Variants in TRAPPC9 observed in about 807,000 individuals in gnomAD.
TRAPPC9 encodes the protein IKK2 binding protein.
A neutral mutation model predicts 124.0 loss-of-function variants in TRAPPC9; 83 were observed. That is an observed-to-expected ratio of 0.67 (90% CI 0.56 to 0.80). The LOEUF (loss-of-function observed/expected upper bound fraction) is 0.80. Ranked by LOEUF, TRAPPC9 falls within the 30% of genes least tolerant of loss-of-function variation. The probability of loss-of-function intolerance (pLI) is 0.00; values close to 1 mark genes in which losing one functional copy is unlikely to be tolerated. For synonymous variants in TRAPPC9, 638 were observed against 617.5 expected (o/e 1.03, Z -0.49); for missense variants, 1,302 against 1,508.3 (o/e 0.86, Z 2.27).
intron 21 of TRAPPC9, among the ~76,000 whole-genome samples, chr8:139,771,436 T>G (rs979703334): frequency 6.6e-5 from 10 of 152,154 alleles, no homozygotes; most frequent in African/African-American, 2.2e-4. Flanking sequence ...GGGGTCCATG[T>G]GAACCCAGAG....
intron 17 of TRAPPC9, among the ~76,000 whole-genome samples, chr8:140,033,939 C>G (rs1461415845): frequency 6.6e-6 from 1 of 152,126 alleles, no homozygotes; most frequent in Non-Finnish European, 1.5e-5. Context: ...GCCTCGGCTT[C>G]CCAAAGTGCT....
intron 21 of TRAPPC9, among the ~76,000 whole-genome samples, chr8:139,796,874 G>A (rs1405062442): frequency 1.3e-5 from 2 of 152,208 alleles, no homozygotes; most frequent in Non-Finnish European, 1.5e-5. Flanking sequence ...GCAGTGGGAG[G>A]GTTCCAGTTT....
rs530601759 is a variant in TRAPPC9, at chr8:139,737,129, T to C, written c.3056-4927A>G. 8.5e-5 allele frequency among the ~76,000 whole-genome samples: 13 copies of C among 152,310 alleles called. No individual in the cohort carries two copies. In the East Asian group the frequency reaches 2.5e-3, roughly 29 times the overall value. ...TGCTGCTGGGAGCTCACCCCGTCTG[T>C]GGCCCGCGCAGGGGCTGGCTCTACT... On this transcript the variant is annotated intron_variant, in intron 21 of 22. Coordinates refer to ENST00000438773, the MANE Select transcript of TRAPPC9 (RefSeq NM_001160372.4).
At chr8:140,409,025 A>G (rs1410917357) in intron 5 of TRAPPC9, among the ~76,000 whole-genome samples, 3 of 152,194 alleles carry the variant, frequency 2.0e-5, no homozygotes, top group African/African-American at 7.2e-5. Context: ...ATTACTATAA[A>G]CACAGCAAAA....
At chr8:139,812,976 G>A (rs565559792) in intron 21 of TRAPPC9, among the ~76,000 whole-genome samples, 5 of 152,344 alleles carry the variant, frequency 3.3e-5, no homozygotes, top group African/African-American at 9.6e-5. Flanking sequence ...CAAGCTCCAC[G>A]CCTGGCCCTG....
chr8:140,308,657 CG>C (rs2066205445), intron 10 of TRAPPC9, among the ~76,000 whole-genome samples: 1 of 151,934 alleles, frequency 6.6e-6, no homozygotes, highest in Non-Finnish European at 1.5e-5. Context: ...CTGAGGCGGG[CG>C]GATCACGAGG....
intron 21 of TRAPPC9, among the ~76,000 whole-genome samples, chr8:139,769,683 T>G (rs1482572863): frequency 6.6e-6 from 1 of 152,032 alleles, no homozygotes; most frequent in Admixed American, 6.6e-5. Flanking sequence ...AAAAATAAGA[T>G]TGAATAGTAA....
At chr8:139,832,553 G>A (rs1289521017) in intron 21 of TRAPPC9, among the ~76,000 whole-genome samples, 1 of 152,182 alleles carries the variant, frequency 6.6e-6, no homozygotes, top group African/African-American at 2.4e-5. Flanking sequence ...AGCCTCCCCA[G>A]GACTCAGCTT....
At chr8:140,256,231 C>T (rs1487021225) in intron 15 of TRAPPC9, among the ~76,000 whole-genome samples, 1 of 152,218 alleles carries the variant, frequency 6.6e-6, no homozygotes, top group Non-Finnish European at 1.5e-5. Context: ...TGGATACTCA[C>T]ATATATGATT....
In TRAPPC9 at chr8:140,449,298, C is replaced by G. The variant is rs567696895; in HGVS notation, c.584+1492G>C. 2.6e-5 allele frequency among the ~76,000 whole-genome samples: 4 copies of G among 152,314 alleles called. No homozygotes were observed. The South Asian group carries it at 8.3e-4, about 32-fold the overall frequency. ...CCTCACCTGTGGCTCATCAGCCAAT[C>G]CTATACAGGAGGAGGGAGAGCCCTG... On this transcript the variant is annotated intron_variant, in intron 2 of 22. Coordinates refer to ENST00000438773, the MANE Select transcript of TRAPPC9 (RefSeq NM_001160372.4).
At chr8:140,291,201 T>C (rs926197060) in intron 11 of TRAPPC9, 123 bp from the exon 12 acceptor site, 13 of 876,168 alleles carry the variant, frequency 1.5e-5, no homozygotes, top group Admixed American at 1.3e-4. Context: ...TCTATGATCT[T>C]CTTGAGATGG....
At chr8:139,802,128 G>A (rs886408278) in intron 21 of TRAPPC9, among the ~76,000 whole-genome samples, 1 of 152,192 alleles carries the variant, frequency 6.6e-6, no homozygotes, top group Non-Finnish European at 1.5e-5. Flanking sequence ...ACGCAACCCA[G>A]TACAGAACGG....
intron 15 of TRAPPC9, among the ~76,000 whole-genome samples, chr8:140,253,546 C>T (rs1001770084): frequency 5.9e-5 from 9 of 152,036 alleles, no homozygotes; most frequent in African/African-American, 1.4e-4. Flanking sequence ...AGTGTGGCAG[C>T]GCGCCTCTGT....
rs537498093 is a variant in TRAPPC9, at chr8:139,816,296, T to C, written c.3055+69583A>G. Among the ~76,000 whole-genome samples, 136 of 152,312 alleles carry C rather than the reference T, an allele frequency of 8.9e-4. No homozygotes were observed. In the South Asian group the frequency reaches 0.017, roughly 20 times the overall value. ...CAAGGGCAAGGGGATAGTGGGTACC[T>C]TCCGGTGAAAGCAGCTGGGCCAGCC... On this transcript the variant is annotated intron_variant, in intron 21 of 22. Transcript: ENST00000438773.
intron 13 of TRAPPC9, among the ~76,000 whole-genome samples, chr8:140,286,620 C>T (rs1304927162): frequency 1.3e-5 from 2 of 152,062 alleles, no homozygotes; most frequent in East Asian, 3.9e-4. Flanking sequence ...CCCAAGAACC[C>T]GTTAGGGCAA....
intron 16 of TRAPPC9, among the ~76,000 whole-genome samples, chr8:140,229,772 G>T (rs2063549877): frequency 6.6e-6 from 1 of 151,718 alleles, no homozygotes; most frequent in Non-Finnish European, 1.5e-5. Context: ...TGGCCACACT[G>T]GTCTCAAACT....
intron 7 of TRAPPC9, among the ~76,000 whole-genome samples, chr8:140,394,062 A>G (rs531301248): frequency 1.2e-4 from 18 of 152,362 alleles, no homozygotes; most frequent in African/African-American, 3.8e-4. Context: ...AGGCTGCTCC[A>G]AAGAACAAAA....
At chr8:139,756,967 GA>G (rs1819865464) in intron 21 of TRAPPC9, among the ~76,000 whole-genome samples, 1 of 138,952 alleles carries the variant, frequency 7.2e-6, no homozygotes, top group African/African-American at 2.7e-5. Context: ...GGTCGCAGGA[GA>G]AGCCAGGGTT....
chr8:139,896,861 C>T (rs978440581), intron 20 of TRAPPC9, among the ~76,000 whole-genome samples: 1 of 152,238 alleles, frequency 6.6e-6, no homozygotes, highest in African/African-American at 2.4e-5. Flanking sequence ...GCTGCCTCCC[C>T]TCAAGGCTCT....
Sources: allele counts gnomAD v4.1 joint callset (sites outside exome capture counted in the v4.1 genomes callset), GRCh38; gene constraint gnomAD v4.1.1; transcripts MANE v1.5; gene names NCBI Gene and HGNC (gene_info 2026-07-23, HGNC 2026-07-21).